Variants in PTPN9 observed in about 807,000 individuals in gnomAD.
PTPN9 encodes the protein tyrosine-protein phosphatase non-receptor type 9.
Under a neutral mutation model 69.8 loss-of-function variants are expected in PTPN9, and 26 were observed. The ratio of observed to expected loss-of-function variants is 0.37; its 90% CI spans 0.27 to 0.52. The LOEUF is 0.52. PTPN9 is among the 20% of genes least tolerant of loss of function. The pLI, the probability that PTPN9 is intolerant of heterozygous loss-of-function variation, is 0.91. For missense variants in PTPN9, 549 were observed against 740.3 expected (o/e 0.74, Z 3.00); for synonymous variants, 274 against 272.5 (o/e 1.01, Z -0.05).
chr15:75,537,454 A>T (rs1485190256), intron 1 of PTPN9, among the ~76,000 whole-genome samples: 2 of 130,730 alleles, frequency 1.5e-5, no homozygotes, highest in African/African-American at 5.9e-5. Context: ...AAAAAAAAAA[A>T]AAAAAAAAAA....
chr15:75,493,598 A>G (rs1258786747), intron 7 of PTPN9, among the ~76,000 whole-genome samples: 2 of 152,038 alleles, frequency 1.3e-5, no homozygotes, highest in Non-Finnish European at 2.9e-5. Context: ...CGTCTCTACT[A>G]AAAATACAAA....
chr15:75,564,520 CG>C, intron 1 of PTPN9, among the ~76,000 whole-genome samples: 1 of 150,792 alleles, frequency 6.6e-6, no homozygotes, highest in South Asian at 2.1e-4. Context: ...GGCGTGAACC[CG>C]GGAGGCGGAG....
At chr15:75,570,978 G>T (rs1476865135) in intron 1 of PTPN9, among the ~76,000 whole-genome samples, 2 of 152,120 alleles carry the variant, frequency 1.3e-5, no homozygotes, top group Non-Finnish European at 2.9e-5. Flanking sequence ...AAAACGATGA[G>T]GACGGGCACG....
intron 4 of PTPN9, 103 bp downstream of exon 4, chr15:75,523,018 C>T (rs1471363255): frequency 9.1e-5 from 123 of 1,355,106 alleles, no homozygotes; most frequent in Non-Finnish European, 1.2e-4. Flanking sequence ...GCCCAGGGCA[C>T]ATCCTAGGAG....
chr15:75,485,957 G>A (rs1203748373), intron 8 of PTPN9, among the ~76,000 whole-genome samples: 5 of 151,558 alleles, frequency 3.3e-5, no homozygotes, highest in African/African-American at 7.3e-5. Context: ...AAAATTAGCT[G>A]GGTGTGGTGG....
chr15:75,516,044 T>C (rs947775782), intron 5 of PTPN9, among the ~76,000 whole-genome samples: 1 of 152,020 alleles, frequency 6.6e-6, no homozygotes. Context: ...AAAGGCTCCT[T>C]AGTGAGGCAA....
At chr15:75,534,747 T>C (rs1389611852) in intron 1 of PTPN9, among the ~76,000 whole-genome samples, 1 of 145,800 alleles carries the variant, frequency 6.9e-6, no homozygotes, top group Non-Finnish European at 1.5e-5. Flanking sequence ...CCGAGGCAGG[T>C]GGATCACCTG....
chr15:75,504,214 G>T (rs1260992818), intron 7 of PTPN9, among the ~76,000 whole-genome samples: 1 of 122,792 alleles, frequency 8.1e-6, no homozygotes, highest in Non-Finnish European at 1.8e-5. Context: ...AGGTCGGGGG[G>T]GTCAGCCCCC....
At chr15:75,514,635 T>C (rs2074860464) in intron 5 of PTPN9, among the ~76,000 whole-genome samples, 1 of 152,158 alleles carries the variant, frequency 6.6e-6, no homozygotes, top group Non-Finnish European at 1.5e-5. Context: ...AAACAAGCTA[T>C]AAATTAAGAG....
In PTPN9 at chr15:75,527,206, G is replaced by GA; in HGVS notation, c.118dup (p.Ser40PhefsTer18). On this transcript the variant is annotated frameshift_variant, in exon 2 of 13. Transcript: ENST00000618819. LOFTEE classifies it high-confidence loss of function. ...GACAGCCACATTCCAAGACAGCGGG[G>GA]AAACATTGTACTGAACTGTCCACTT... 1.2e-6 allele frequency: 2 copies of GA among 1,614,148 alleles called. No homozygotes were observed. Among genetic ancestry groups the GA allele is most frequent in the Non-Finnish European group, 8.5e-7 (1 of 1,180,024 alleles).
chr15:75,559,783 A>AAAAAAAAAAAAAAAAG (rs925206692), intron 1 of PTPN9, among the ~76,000 whole-genome samples: 10 of 142,542 alleles, frequency 7.0e-5, no homozygotes, highest in Non-Finnish European at 9.1e-5. Context: ...AAAAAAAAAA[A>AAAAAAAAAAAAAAAAG]AAGAAGAAAG....
In PTPN9 at chr15:75,498,467, C is replaced by A. The variant is rs528115299; in HGVS notation, c.968+7208G>T. Among the ~76,000 whole-genome samples the A allele has an allele frequency of 2.7e-3, 403 of 152,066 alleles. 1 individual carries two copies. Among genetic ancestry groups the A allele is most frequent in the African/African-American group, 8.8e-3 (366 of 41,450 alleles). On this transcript the variant is annotated intron_variant, in intron 7 of 12. Transcript: ENST00000618819. Reference sequence around the variant, plus strand: ...CGGTGGCTCACACCTGTAATCCCAGCACTTTGGGAGGCCGAGGTGAGTGGA... The same window carrying A: ...CGGTGGCTCACACCTGTAATCCCAGAACTTTGGGAGGCCGAGGTGAGTGGA...
chr15:75,548,399 G>A (rs2075043213), intron 1 of PTPN9, among the ~76,000 whole-genome samples: 2 of 151,650 alleles, frequency 1.3e-5, no homozygotes, highest in African/African-American at 4.8e-5. Flanking sequence ...GGGATTACAG[G>A]CGCCCACCAC....
chr15:75,473,730 C>T lies in PTPN9; in HGVS notation c.1167G>A (p.Met389Ile), dbSNP rs2074581010. 6.3e-7 allele frequency: 1 copy of T among 1,587,256 alleles called. No homozygotes were observed. Among genetic ancestry groups the T allele is most frequent in the Non-Finnish European group, 8.7e-7 (1 of 1,155,584 alleles). ...LENTYRDFWLMVWEQKVLVIV... is the reference protein window; with the variant it reads ...LENTYRDFWLIVWEQKVLVIV... ...TCACCAAGACTTTTTGCTCCCATAC[C>T]ATGAGCCAGAAATCACGATAGGTAT... Residue 389 changes from methionine (M) to isoleucine (I), a missense_variant, in exon 10 of 13, where the codon ATG becomes ATA. Physicochemically the swap from Met to Ile is conservative, Grantham distance 10. Coordinates refer to ENST00000618819, the MANE Select transcript of PTPN9 (RefSeq NM_002833.4).
chr15:75,558,664 G>A (rs913034258), intron 1 of PTPN9, among the ~76,000 whole-genome samples: 5 of 152,198 alleles, frequency 3.3e-5, no homozygotes, highest in East Asian at 3.9e-4. Context: ...GAGTGCCTGC[G>A]ACTGCAGGCG....
At chr15:75,571,951 T>C (rs767143851) in intron 1 of PTPN9, among the ~76,000 whole-genome samples, 8 of 152,142 alleles carry the variant, frequency 5.3e-5, no homozygotes, top group Non-Finnish European at 1.2e-4. Flanking sequence ...TCTATTATCC[T>C]ATCAATCATC....
intron 1 of PTPN9, among the ~76,000 whole-genome samples, chr15:75,546,143 G>C (rs750753441): frequency 1.4e-4 from 22 of 152,080 alleles, no homozygotes; most frequent in Non-Finnish European, 2.6e-4. Flanking sequence ...ATCTCAAGAG[G>C]GGAAGTGGAA....
intron 8 of PTPN9, among the ~76,000 whole-genome samples, chr15:75,482,201 G>A (rs2074641133): frequency 6.6e-6 from 1 of 151,718 alleles, no homozygotes; most frequent in Non-Finnish European, 1.5e-5. Flanking sequence ...GTCCACTCAG[G>A]GTTAAATGGA....
In PTPN9 at chr15:75,463,685, A is replaced by T. The variant is rs1199058053; in HGVS notation, c.*5084T>A. 1 of 152,218 alleles carries T rather than the reference A, an allele frequency of 6.6e-6. No homozygotes were observed. Among genetic ancestry groups the T allele is most frequent in the Non-Finnish European group, 1.5e-5 (1 of 68,036 alleles). 9.4% of individuals were successfully genotyped at this position (152,218 alleles called of 1,614,324 possible). A position where few individuals can be genotyped will look rare whatever the true frequency, so the allele number is the denominator to read the frequency against. ...TAGATTTTTTTTCCCCCAAGAAAACATCTCCAAGTAAAAGTGATATATTTC... is the reference window on the plus strand; with the variant it reads ...TAGATTTTTTTTCCCCCAAGAAAACTTCTCCAAGTAAAAGTGATATATTTC... On this transcript the variant is annotated 3_prime_UTR_variant, in exon 13 of 13. Coordinates refer to ENST00000618819, the MANE Select transcript of PTPN9 (RefSeq NM_002833.4).
Sources: gnomAD v4.1 joint callset for allele counts (sites outside exome capture counted in the v4.1 genomes callset) on GRCh38, gnomAD v4.1.1 for gene constraint, MANE v1.5 for transcripts, NCBI Gene and HGNC (gene_info 2026-07-23, HGNC 2026-07-21) for gene names.